CFAP47: variants seen among roughly 807,000 people sequenced by gnomAD.
CFAP47 encodes cilia- and flagella-associated protein 47.
Under a neutral mutation model 148.1 loss-of-function variants are expected in CFAP47, and 29 were observed. The ratio of observed to expected loss-of-function variants is 0.20; its 90% CI spans 0.15 to 0.27. The LOEUF (loss-of-function observed/expected upper bound fraction) is 0.27. Among genes scored for constraint, CFAP47 ranks in the 10% least tolerant of loss-of-function variants. The probability of loss-of-function intolerance (pLI) is 1.00; values close to 1 mark genes in which losing one functional copy is unlikely to be tolerated. For synonymous variants in CFAP47, 664 were observed against 577.3 expected, an observed-to-expected ratio of 1.15 and a Z score of -2.15; for missense variants, 1,872 against 1,697.5, an observed-to-expected ratio of 1.10 and a Z score of -1.81.
At chrX:36,149,582 TA>T (rs1939280686) in intron 37 of CFAP47, among the ~76,000 whole-genome samples, 1 of 101,410 alleles carries the variant, frequency 9.9e-6, no homozygotes, top group Non-Finnish European at 2.0e-5. Flanking sequence ...AAGATATATA[TA>T]TTTTATTTAT....
At chrX:36,288,749 G>T (rs781819825) in intron 51 of CFAP47, among the ~76,000 whole-genome samples, 1 of 111,236 alleles carries the variant, frequency 9.0e-6, no homozygotes, top group South Asian at 3.8e-4. Context: ...CAACACAAGT[G>T]AGACCAGGTG....
intron 33 of CFAP47, among the ~76,000 whole-genome samples, chrX:36,109,904 T>G (rs1184059483): frequency 8.9e-6 from 1 of 112,431 alleles, no homozygotes; most frequent in Non-Finnish European, 1.9e-5. Context: ...TGCATGTATG[T>G]CTTTTGAAAA....
At chrX:36,136,103 T>A (rs1174179449) in intron 33 of CFAP47, among the ~76,000 whole-genome samples, 1 of 110,682 alleles carries the variant, frequency 9.0e-6, no homozygotes, top group Non-Finnish European at 1.9e-5. Context: ...GAGATTGAGA[T>A]TTTTCACTGT....
Position 36,092,433 on chromosome X carries a change from A to G in CFAP47, c.4917-6360A>G, listed in dbSNP as rs73197118. On this transcript the variant is annotated intron_variant, in intron 30 of 63. Coordinates refer to ENST00000378653, the MANE Select transcript of CFAP47 (RefSeq NM_001304548.2). ...TTTATAATATTATAACAGGAATAAA[A>G]TGATTACTGCATTGACTACAAATCC... Among the ~76,000 whole-genome samples the G allele has an allele frequency of 7.7e-3, 849 of 110,925 alleles. 4 individuals are homozygous for G. Among genetic ancestry groups the G allele is most frequent in the South Asian group, 0.043 (115 of 2,671 alleles).
intron 39 of CFAP47, among the ~76,000 whole-genome samples, chrX:36,175,553 C>T (rs748625512): frequency 1.0e-3 from 116 of 111,746 alleles, no homozygotes; most frequent in African/African-American, 3.5e-3. Flanking sequence ...TTGGAGTACC[C>T]GGCCGTGTGA....
intron 2 of CFAP47, among the ~76,000 whole-genome samples, chrX:35,934,318 G>A (rs1264119966): frequency 9.0e-6 from 1 of 110,824 alleles, no homozygotes; most frequent in East Asian, 2.8e-4. Context: ...AGGCAGAGGC[G>A]CCTCACCCTA....
chrX:36,190,076 GTTC>G lies in CFAP47; in HGVS notation c.6206_6208del (p.Phe2069del). 1 of 297,903 alleles carries G rather than the reference GTTC, an allele frequency of 3.4e-6. No homozygotes were observed. The highest frequency in any genetic ancestry group is 5.9e-6 in the Non-Finnish European group (1 of 170,197). The allele number at this position is 297,903 out of a possible 1,213,427, so 24.6% of individuals were successfully genotyped here. A position where few individuals can be genotyped will look rare whatever the true frequency, so the allele number is the denominator to read the frequency against. The stretch of plus-strand genomic sequence containing the variant: ...CAATTAAGTCCACTTTTATCAGAGA[GTTC>G]TTCTGCTCCATGCATACTGTTCACC... On this transcript the variant is annotated inframe_deletion, in exon 42 of 64. Coordinates refer to ENST00000378653, the MANE Select transcript of CFAP47 (RefSeq NM_001304548.2).
chrX:35,977,273 T>A (rs1265997194), intron 15 of CFAP47, among the ~76,000 whole-genome samples: 2 of 111,972 alleles, frequency 1.8e-5, no homozygotes. Flanking sequence ...TTAAGCAAAG[T>A]ACTCTGTGAA....
chrX:36,080,801 G>T (rs1051767778), intron 29 of CFAP47, among the ~76,000 whole-genome samples: 2 of 111,008 alleles, frequency 1.8e-5, no homozygotes, highest in African/African-American at 6.6e-5. Context: ...GATGGGGGAG[G>T]GATAGCATTA....
At chrX:35,982,429 A>G (rs1271529043) in intron 15 of CFAP47, among the ~76,000 whole-genome samples, 6 of 111,612 alleles carry the variant, frequency 5.4e-5, no homozygotes, top group African/African-American at 2.0e-4. Flanking sequence ...CTCTGTTGAT[A>G]GTTAATTTTG....
chrX:35,924,383 A>G (rs187099868), intron 1 of CFAP47, among the ~76,000 whole-genome samples: 111 of 104,459 alleles, frequency 1.1e-3, no homozygotes, highest in Non-Finnish European at 1.8e-3. Flanking sequence ...ATATATGCAC[A>G]CATATGTGTA....
intron 33 of CFAP47, among the ~76,000 whole-genome samples, chrX:36,105,554 T>C (rs2146797712): frequency 8.9e-6 from 1 of 112,038 alleles, no homozygotes; most frequent in Non-Finnish European, 1.9e-5. Context: ...TAGAAAACAT[T>C]CAAGAAAACA....
At chrX:36,131,468 AG>A (rs2146824316) in intron 33 of CFAP47, among the ~76,000 whole-genome samples, 1 of 111,397 alleles carries the variant, frequency 9.0e-6, no homozygotes, top group Non-Finnish European at 1.9e-5. Flanking sequence ...TATAAAAAAA[AG>A]TCTCTTGAGA....
intron 26 of CFAP47, 104 bp from the exon 27 acceptor site, chrX:36,065,539 T>G: frequency 2.1e-6 from 1 of 467,028 alleles, no homozygotes; most frequent in Non-Finnish European, 3.7e-6. Flanking sequence ...AAAAAATGAA[T>G]AAATCATGTC....
Position 36,382,859 on chromosome X carries a change from G to A in CFAP47, c.9355-1938G>A, listed in dbSNP as rs186538895. Among the ~76,000 whole-genome samples, 480 of 111,085 alleles carry A rather than the reference G, an allele frequency of 4.3e-3. 3 individuals are homozygous for A. The highest frequency in any genetic ancestry group is 0.023 in the Middle Eastern group (5 of 216). On this transcript the variant is annotated intron_variant, in intron 63 of 63. Coordinates refer to ENST00000378653, the MANE Select transcript of CFAP47 (RefSeq NM_001304548.2). ...TCTATGAGATGTTAGTAATATGGAA[G>A]TATTAATGTATTCTTATATTATTTT... is the stretch of plus-strand genomic sequence containing the variant.
At chrX:36,308,205 A>C (rs7880931) in intron 55 of CFAP47, among the ~76,000 whole-genome samples, 676 of 111,522 alleles carry the variant, frequency 6.1e-3, no homozygotes, top group African/African-American at 0.021. Context: ...TCAAACACAA[A>C]AAGGCTCAAA....
intron 48 of CFAP47, among the ~76,000 whole-genome samples, chrX:36,238,549 T>C (rs1940502002): frequency 2.7e-5 from 3 of 112,041 alleles, no homozygotes. Context: ...TGCTGTGACC[T>C]CTGTGAACTC....
At chrX:36,247,827 A>G (rs1397567761) in intron 48 of CFAP47, among the ~76,000 whole-genome samples, 3 of 111,436 alleles carry the variant, frequency 2.7e-5, no homozygotes, top group Non-Finnish European at 5.7e-5. Flanking sequence ...TTATATATAA[A>G]TTGTCTAAAC....
chrX:36,290,552 C>T (rs1199446176), intron 51 of CFAP47, among the ~76,000 whole-genome samples: 3 of 112,183 alleles, frequency 2.7e-5, no homozygotes, highest in Non-Finnish European at 3.8e-5. Context: ...TCTCATGCTC[C>T]GTTCTCCTGG....
Sources: allele counts gnomAD v4.1 joint callset (sites outside exome capture counted in the v4.1 genomes callset), GRCh38; gene constraint gnomAD v4.1.1; transcripts MANE v1.5; gene names NCBI Gene and HGNC (gene_info 2026-07-23, HGNC 2026-07-21).